ADGRL3: variants seen among roughly 807,000 people sequenced by gnomAD.
ADGRL3 encodes the protein adhesion G protein-coupled receptor L3, also known as calcium-independent alpha-latrotoxin receptor 3.
ADGRL3 carries 62 observed loss-of-function variants against 153.5 expected under a neutral mutation model. That is an observed-to-expected ratio of 0.40 (90% CI 0.33 to 0.50). The LOEUF (loss-of-function observed/expected upper bound fraction) is 0.50, where lower values mean the gene tolerates loss of function less well. Ranked by LOEUF, ADGRL3 falls within the 20% of genes least tolerant of loss-of-function variation. ADGRL3 has a pLI of 0.47. For missense variants in ADGRL3, 1,641 were observed against 1,859.4 expected (o/e 0.88, Z 2.16); for synonymous variants, 710 against 672.5 (o/e 1.06, Z -0.86).
chr4:61,390,170 C>G (rs1037746379), intron 2 of ADGRL3, among the ~76,000 whole-genome samples: 1 of 152,008 alleles, frequency 6.6e-6, no homozygotes, highest in South Asian at 2.1e-4. Flanking sequence ...ATGTTTATTA[C>G]TAGATTTTTA....
chr4:61,588,459 T>TA (rs1375119268), intron 5 of ADGRL3, among the ~76,000 whole-genome samples: 2 of 151,964 alleles, frequency 1.3e-5, no homozygotes, highest in African/African-American at 2.4e-5. Flanking sequence ...GTTATTTTTA[T>TA]AAATTACTAT....
At chr4:61,402,315 A>T (rs1052177361) in intron 2 of ADGRL3, among the ~76,000 whole-genome samples, 1 of 152,098 alleles carries the variant, frequency 6.6e-6, no homozygotes, top group African/African-American at 2.4e-5. Context: ...GTGCTTAAAT[A>T]TTCAAAAAAT....
rs1379623439 is a variant in ADGRL3, at chr4:61,892,752, C to T, written c.1577C>T (p.Ser526Leu). The change falls in exon 10 of 27, where the codon TCA becomes TTA. Residue 526 changes from serine (S) to leucine (L), a missense_variant. Coordinates refer to ENST00000683033, the MANE Select transcript of ADGRL3 (RefSeq NM_001387552.1). ...TLSPGRSTTP[S>L]VSGRRNRSTS... ...AGCCCAGGAAGGAGTACCACCCCGT[C>T]AGTGTCAGGAAGAAGAAACCGGAGT... 10 of 1,613,778 alleles carry T rather than the reference C, an allele frequency of 6.2e-6. No homozygotes were observed. The highest frequency in any genetic ancestry group is 8.5e-6 in the Non-Finnish European group (10 of 1,179,844).
intron 1 of ADGRL3, among the ~76,000 whole-genome samples, chr4:61,330,832 A>G (rs1422130710): frequency 6.6e-6 from 1 of 151,898 alleles, no homozygotes. Flanking sequence ...CAGAGTGCTG[A>G]TTGGTGCATT....
intron 4 of ADGRL3, among the ~76,000 whole-genome samples, chr4:61,554,834 C>T (rs539484220): frequency 1.3e-5 from 2 of 152,162 alleles, no homozygotes; most frequent in Non-Finnish European, 2.9e-5. Flanking sequence ...CAGGGGTTTC[C>T]CAGAAAAGAA....
At chr4:62,063,078 T>G (rs1178315666) in intron 25 of ADGRL3, among the ~76,000 whole-genome samples, 1 of 152,292 alleles carries the variant, frequency 6.6e-6, no homozygotes, top group African/African-American at 2.4e-5. Context: ...CAATGGTTTC[T>G]GTGAATGAGG....
At chr4:61,474,853 C>G (rs1318726947) in intron 2 of ADGRL3, among the ~76,000 whole-genome samples, 1 of 152,108 alleles carries the variant, frequency 6.6e-6, no homozygotes, top group African/African-American at 2.4e-5. Context: ...TGTAGTATAT[C>G]TCTTCCAAAG....
intron 8 of ADGRL3, among the ~76,000 whole-genome samples, chr4:61,785,519 T>A (rs1488719036): frequency 6.6e-6 from 1 of 152,140 alleles, no homozygotes; most frequent in Non-Finnish European, 1.5e-5. Flanking sequence ...CCTGAGTAAA[T>A]CCAATGTTAA....
chr4:61,787,936 A>T (rs2097296864), intron 8 of ADGRL3, among the ~76,000 whole-genome samples: 1 of 151,874 alleles, frequency 6.6e-6, no homozygotes. Flanking sequence ...GATAGAAAAA[A>T]ATAAAGTGAA....
chr4:61,898,179 G>T (rs1371033663), intron 11 of ADGRL3, among the ~76,000 whole-genome samples: 2 of 152,230 alleles, frequency 1.3e-5, no homozygotes, highest in East Asian at 3.9e-4. Context: ...CCACCACGTA[G>T]GGCAGAAGGC....
intron 5 of ADGRL3, 107 bp from the exon 6 acceptor site, chr4:61,676,719 C>T: frequency 1.2e-6 from 1 of 804,728 alleles, no homozygotes; most frequent in Admixed American, 2.0e-5. Flanking sequence ...TAAGCAAAAC[C>T]TTATTCAAAT....
At chr4:61,414,701 T>G (rs2097127281) in intron 2 of ADGRL3, among the ~76,000 whole-genome samples, 1 of 151,836 alleles carries the variant, frequency 6.6e-6, no homozygotes, top group African/African-American at 2.4e-5. Context: ...ATATATCAAA[T>G]CAAAGAGGTA....
intron 1 of ADGRL3, among the ~76,000 whole-genome samples, chr4:61,261,933 C>CT (rs1323266113): frequency 6.6e-6 from 1 of 152,102 alleles, no homozygotes; most frequent in East Asian, 1.9e-4. Flanking sequence ...CTTTAGTCAA[C>CT]TGAGTTCAGT....
chr4:61,670,927 G>T (rs1024271857), intron 5 of ADGRL3, among the ~76,000 whole-genome samples: 1 of 152,136 alleles, frequency 6.6e-6, no homozygotes, highest in Non-Finnish European at 1.5e-5. Context: ...CCTTGTCTGT[G>T]CCTGCACAGG....
At chr4:61,270,959 A>G (rs1253546832) in intron 1 of ADGRL3, among the ~76,000 whole-genome samples, 1 of 151,820 alleles carries the variant, frequency 6.6e-6, no homozygotes, top group Non-Finnish European at 1.5e-5. Flanking sequence ...CTGTGGTTAC[A>G]GGAAAGAAGA....
At chr4:62,043,407 G>A (rs1729449958) in intron 24 of ADGRL3, among the ~76,000 whole-genome samples, 1 of 152,002 alleles carries the variant, frequency 6.6e-6, no homozygotes, top group African/African-American at 2.4e-5. Flanking sequence ...TTCTGTCTAT[G>A]TCTGTGTCTG....
chr4:61,842,484 A>T (rs890853149), intron 9 of ADGRL3, among the ~76,000 whole-genome samples: 4 of 152,188 alleles, frequency 2.6e-5, no homozygotes, highest in Non-Finnish European at 5.9e-5. Context: ...AGATCTAGGT[A>T]GCTGGCTGAT....
intron 8 of ADGRL3, among the ~76,000 whole-genome samples, chr4:61,737,147 G>A (rs1296218808): frequency 6.6e-6 from 1 of 150,992 alleles, no homozygotes; most frequent in East Asian, 1.9e-4. Context: ...ATGTGTCTAT[G>A]TACAGAAACC....
At chr4:61,290,888 T>C (rs1187222241) in intron 1 of ADGRL3, among the ~76,000 whole-genome samples, 1 of 152,012 alleles carries the variant, frequency 6.6e-6, no homozygotes, top group East Asian at 1.9e-4. Context: ...TACTTCTAGA[T>C]AAGAATAATG....
Sources: allele counts gnomAD v4.1 joint callset (sites outside exome capture counted in the v4.1 genomes callset), GRCh38; gene constraint gnomAD v4.1.1; transcripts MANE v1.5; gene names NCBI Gene and HGNC (gene_info 2026-07-23, HGNC 2026-07-21).